Variants in CTNNA3 observed in about 807,000 individuals in gnomAD.
CTNNA3 encodes catenin alpha 3, also known as catenin alpha-3.
In CTNNA3, 76 loss-of-function variants were observed where a neutral mutation model predicts 95.7. That is an observed-to-expected ratio of 0.79 (90% CI 0.66 to 0.96). CTNNA3 has a LOEUF of 0.96. Ranked by LOEUF, CTNNA3 falls within the 40% of genes least tolerant of loss-of-function variation. The probability of loss-of-function intolerance (pLI) is 0.00; values close to 1 mark genes in which losing one functional copy is unlikely to be tolerated. For synonymous variants in CTNNA3, 431 were observed against 374.4 expected (o/e 1.15, Z -1.74); for missense variants, 1,191 against 1,089.8 (o/e 1.09, Z -1.31).
intron 13 of CTNNA3, among the ~76,000 whole-genome samples, chr10:66,107,946 A>ATTCACTGGCTAGCT (rs1223989269): frequency 2.6e-5 from 4 of 152,076 alleles, no homozygotes; most frequent in Non-Finnish European, 4.4e-5. Context: ...TAAAAATATA[A>ATTCACTGGCTAGCT]TTCACTGGCT....
chr10:66,461,009 G>A (rs189540952), intron 11 of CTNNA3, among the ~76,000 whole-genome samples: 26 of 152,222 alleles, frequency 1.7e-4, no homozygotes, highest in Admixed American at 1.4e-3. Flanking sequence ...TGTGTTCAAT[G>A]TTAGAGTCTG....
intron 11 of CTNNA3, among the ~76,000 whole-genome samples, chr10:66,483,949 A>T (rs1275163894): frequency 6.6e-6 from 1 of 152,176 alleles, no homozygotes; most frequent in Non-Finnish European, 1.5e-5. Context: ...TCCTCGTCAT[A>T]CTGTACTACA....
chr10:65,987,207 AC>A (rs1294165263), intron 16 of CTNNA3, among the ~76,000 whole-genome samples: 1 of 152,070 alleles, frequency 6.6e-6, no homozygotes, highest in Non-Finnish European at 1.5e-5. Context: ...ATTATATCAA[AC>A]TAAAAAGGTT....
chr10:67,110,501 A>T (rs941771268), intron 7 of CTNNA3, among the ~76,000 whole-genome samples: 1 of 152,106 alleles, frequency 6.6e-6, no homozygotes, highest in Non-Finnish European at 1.5e-5. Context: ...GGACAATTGG[A>T]CAGTTTCCAG....
chr10:66,596,387 T>C (rs61462030), intron 10 of CTNNA3, among the ~76,000 whole-genome samples: 47,062 of 151,832 alleles, frequency 0.31, 7,664 homozygotes, highest in Middle Eastern at 0.46. Flanking sequence ...GACAAAACAT[T>C]GAGCCTTTGC....
chr10:66,219,993 C>T (rs11816191), intron 13 of CTNNA3, among the ~76,000 whole-genome samples: 5,143 of 151,892 alleles, frequency 0.034, 207 homozygotes, highest in African/African-American at 0.099. Context: ...CATGGTGGTG[C>T]GCACCTCTAA....
chr10:67,097,534 C>G (rs1858078462), intron 7 of CTNNA3: 1 of 1,515,330 alleles, frequency 6.6e-7, no homozygotes, highest in South Asian at 1.1e-5. Context: ...AATCTTTCCC[C>G]TAAAGTTGTC....
Position 67,632,507 on chromosome 10 carries a change from C to G in CTNNA3, c.99+14908G>C, listed in dbSNP as rs371902212. On this transcript the variant is annotated intron_variant, in intron 2 of 17. Coordinates refer to ENST00000433211, the MANE Select transcript of CTNNA3 (RefSeq NM_013266.4). ...ATCCAGGTTCTTGCATTAGGGCTGA[C>G]TAGGCAAACAATTTGACCCACGAAG... 7.2e-5 allele frequency among the ~76,000 whole-genome samples: 11 copies of G among 152,168 alleles called. 1 individual carries two copies. The East Asian group carries it at 2.1e-3, about 29-fold the overall frequency.
intron 7 of CTNNA3, among the ~76,000 whole-genome samples, chr10:66,994,554 T>C (rs200702896): frequency 2.0e-5 from 3 of 152,174 alleles, no homozygotes; most frequent in Non-Finnish European, 4.4e-5. Flanking sequence ...TAGCAAATGA[T>C]ACAAAAATAG....
chr10:66,306,284 GC>G (rs1200963216), intron 12 of CTNNA3, among the ~76,000 whole-genome samples: 20 of 152,158 alleles, frequency 1.3e-4, no homozygotes, highest in African/African-American at 4.6e-4. Flanking sequence ...CTGAGTCTCA[GC>G]CTCCTCATCT....
At chr10:66,597,731 C>T (rs1843774285) in intron 10 of CTNNA3, among the ~76,000 whole-genome samples, 1 of 150,862 alleles carries the variant, frequency 6.6e-6, no homozygotes, top group African/African-American at 2.4e-5. Context: ...ACTCCAGGTA[C>T]TGAAAGACAA....
intron 12 of CTNNA3, among the ~76,000 whole-genome samples, chr10:66,340,188 T>G (rs2092439543): frequency 1.3e-5 from 2 of 151,828 alleles, no homozygotes; most frequent in South Asian, 4.1e-4. Flanking sequence ...TGACTAGCTT[T>G]CTTGACTTAC....
At chr10:66,076,115 C>T (rs2080553106) in intron 14 of CTNNA3, among the ~76,000 whole-genome samples, 1 of 151,342 alleles carries the variant, frequency 6.6e-6, no homozygotes, top group African/African-American at 2.4e-5. Context: ...GGTATATATA[C>T]ATATTGGAAA....
intron 3 of CTNNA3, among the ~76,000 whole-genome samples, chr10:67,576,542 C>A (rs952255816): frequency 6.8e-6 from 1 of 145,996 alleles, no homozygotes; most frequent in South Asian, 2.1e-4. Flanking sequence ...CAGATAGTTT[C>A]TTTATTTTAT....
Position 65,919,541 on chromosome 10 carries a change from T to C in CTNNA3, c.*789A>G, listed in dbSNP as rs2077050650. The stretch of plus-strand genomic sequence containing the variant: ...ATAGTTTGTTGTCTCATTTTCCCAA[T>C]GGGTGATAACTCTTCTTTCACATAT... On this transcript the variant is annotated 3_prime_UTR_variant, in exon 18 of 18. Transcript: ENST00000433211. 6.6e-6 allele frequency: 1 copy of C among 152,166 alleles called. No homozygotes were observed. Among genetic ancestry groups the C allele is most frequent in the Non-Finnish European group, 1.5e-5 (1 of 68,014 alleles). 9.4% of individuals were successfully genotyped at this position (152,166 alleles called of 1,614,324 possible).
chr10:66,664,989 CAA>C (rs1395875274), intron 9 of CTNNA3, among the ~76,000 whole-genome samples: 1 of 150,308 alleles, frequency 6.7e-6, no homozygotes, highest in African/African-American at 2.4e-5. Context: ...TGATTTAATA[CAA>C]ATACACAGAG....
At chr10:65,989,324 G>T (rs189261922) in intron 15 of CTNNA3, among the ~76,000 whole-genome samples, 1 of 152,170 alleles carries the variant, frequency 6.6e-6, no homozygotes, top group Admixed American at 6.5e-5. Flanking sequence ...CCAGCCTATT[G>T]TGTTAAGTCA....
chr10:66,328,085 T>C (rs937671447), intron 12 of CTNNA3, among the ~76,000 whole-genome samples: 10 of 152,066 alleles, frequency 6.6e-5, no homozygotes, highest in Non-Finnish European at 8.8e-5. Flanking sequence ...CATGCTAATA[T>C]TATTTCAAGT....
intron 12 of CTNNA3, among the ~76,000 whole-genome samples, chr10:66,361,208 A>G (rs952423135): frequency 6.6e-6 from 1 of 151,208 alleles, no homozygotes; most frequent in African/African-American, 2.4e-5. Context: ...GGCTCAAGCA[A>G]TCTATCTGTC....
Sources: allele counts gnomAD v4.1 joint callset (sites outside exome capture counted in the v4.1 genomes callset), GRCh38; gene constraint gnomAD v4.1.1; transcripts MANE v1.5; gene names NCBI Gene and HGNC (gene_info 2026-07-23, HGNC 2026-07-21).